Variants in CNTNAP5 observed in about 807,000 individuals in gnomAD.
CNTNAP5 encodes contactin-associated protein-like 5.
A neutral mutation model predicts 150.2 loss-of-function variants in CNTNAP5; 72 were observed. That is an observed-to-expected ratio of 0.48 (90% CI 0.40 to 0.58). The LOEUF is 0.58. Ranked by LOEUF, CNTNAP5 falls within the 20% of genes least tolerant of loss-of-function variation. The pLI is 0.00. For synonymous variants in CNTNAP5, 672 were observed against 619.8 expected (o/e 1.08, Z -1.25); for missense variants, 1,636 against 1,626.2 (o/e 1.01, Z -0.10).
intron 13 of CNTNAP5, among the ~76,000 whole-genome samples, chr2:124,658,912 T>C (rs1010743485): frequency 1.4e-4 from 22 of 152,166 alleles, no homozygotes; most frequent in African/African-American, 5.1e-4. Flanking sequence ...TACTAGACTT[T>C]CTTCACACCT....
chr2:124,850,125 G>A (rs1683125219), intron 19 of CNTNAP5, among the ~76,000 whole-genome samples: 1 of 152,106 alleles, frequency 6.6e-6, no homozygotes, highest in Non-Finnish European at 1.5e-5. Context: ...ATTTGAGATA[G>A]TTCCTAGAAC....
At chr2:124,213,940 A>C (rs930330211) in intron 1 of CNTNAP5, among the ~76,000 whole-genome samples, 4 of 152,212 alleles carry the variant, frequency 2.6e-5, no homozygotes, top group Admixed American at 1.3e-4. Flanking sequence ...ATATTCCTAC[A>C]AAATTGTCAA....
chr2:124,129,862 C>A (rs924923209), intron 1 of CNTNAP5, among the ~76,000 whole-genome samples: 2 of 152,198 alleles, frequency 1.3e-5, no homozygotes, highest in Non-Finnish European at 2.9e-5. Flanking sequence ...CTTCAGCTGA[C>A]CTGTGTTGCA....
chr2:124,097,312 T>C (rs1160208478), intron 1 of CNTNAP5, among the ~76,000 whole-genome samples: 1 of 152,184 alleles, frequency 6.6e-6, no homozygotes, highest in Non-Finnish European at 1.5e-5. Context: ...TCTAAAGCAC[T>C]GTCACACTAT....
chr2:124,282,814 G>C (rs1358771559), intron 3 of CNTNAP5, among the ~76,000 whole-genome samples: 1 of 152,102 alleles, frequency 6.6e-6, no homozygotes, highest in Non-Finnish European at 1.5e-5. Context: ...CAGAGGGTCT[G>C]AGATTCAGAC....
At chr2:124,711,950 C>A (rs1397586583) in intron 13 of CNTNAP5, among the ~76,000 whole-genome samples, 1 of 152,134 alleles carries the variant, frequency 6.6e-6, no homozygotes, top group Non-Finnish European at 1.5e-5. Flanking sequence ...TTAAGCCTGA[C>A]CCTAGACACG....
intron 1 of CNTNAP5, among the ~76,000 whole-genome samples, chr2:124,215,786 T>C (rs1038736513): frequency 2.0e-5 from 3 of 151,910 alleles, no homozygotes; most frequent in Admixed American, 6.6e-5. Context: ...CATCAATGTT[T>C]TTCTGTTGTC....
chr2:124,615,982 G>T (rs1033406296), intron 12 of CNTNAP5, among the ~76,000 whole-genome samples: 1 of 152,120 alleles, frequency 6.6e-6, no homozygotes, highest in Non-Finnish European at 1.5e-5. Context: ...GTTCTCAATG[G>T]TGGGCTTAAA....
At chr2:124,120,012 T>C (rs961146814) in intron 1 of CNTNAP5, among the ~76,000 whole-genome samples, 3 of 152,222 alleles carry the variant, frequency 2.0e-5, no homozygotes, top group African/African-American at 7.2e-5. Context: ...TTAATTGTTC[T>C]GTGGAGTGAC....
At chr2:124,311,453 G>C (rs1054698390) in intron 3 of CNTNAP5, among the ~76,000 whole-genome samples, 2 of 152,156 alleles carry the variant, frequency 1.3e-5, no homozygotes, top group Non-Finnish European at 2.9e-5. Context: ...GGAGAGAGGA[G>C]TGTGGGGAGA....
intron 1 of CNTNAP5, among the ~76,000 whole-genome samples, chr2:124,125,693 C>G (rs1231306185): frequency 6.6e-6 from 1 of 152,090 alleles, no homozygotes; most frequent in Non-Finnish European, 1.5e-5. Flanking sequence ...TGTAAAAGAA[C>G]AGAAATTATA....
chr2:124,255,566 AAATAAAATAAAATAAAAT>A lies in CNTNAP5; in HGVS notation c.381+13179_381+13196del, dbSNP rs1483551558. ...AAATAAAATAAAATAAAATAAAATA[AAATAAAATAAAATAAAAT>A]AATAATTTTTTTTTAAAAAGTAAAT... is the stretch of plus-strand genomic sequence containing the variant. On this transcript the variant is annotated intron_variant, in intron 3 of 23. Coordinates refer to ENST00000682447, the MANE Select transcript of CNTNAP5 (RefSeq NM_001367498.1). Among the ~76,000 whole-genome samples the A allele has an allele frequency of 6.4e-5, 6 of 94,422 alleles. 1 individual carries two copies. Among genetic ancestry groups the A allele is most frequent in the Non-Finnish European group, 1.2e-4 (6 of 48,344 alleles). 61.9% of individuals were successfully genotyped at this position (94,422 alleles called of 152,430 possible).
intron 1 of CNTNAP5, among the ~76,000 whole-genome samples, chr2:124,129,818 T>G (rs1683803903): frequency 6.6e-6 from 1 of 152,196 alleles, no homozygotes; most frequent in African/African-American, 2.4e-5. Context: ...TCTTGGTTTG[T>G]TATTTTCCTG....
At chr2:124,759,427 T>C (rs1458275762) in intron 14 of CNTNAP5, among the ~76,000 whole-genome samples, 1 of 147,468 alleles carries the variant, frequency 6.8e-6, no homozygotes, top group Non-Finnish European at 1.5e-5. Context: ...TATATATATA[T>C]ATATAATGGC....
rs79431206 is a variant in CNTNAP5, at chr2:124,450,332, A to G, written c.918+3395A>G. ...TATCAAAGCTAATATAATTATGCAAACCTATGTTTCTTTTTACTCTTTACC... is the reference window on the plus strand; with the variant it reads ...TATCAAAGCTAATATAATTATGCAAGCCTATGTTTCTTTTTACTCTTTACC... On this transcript the variant is annotated intron_variant, in intron 6 of 23. Transcript: ENST00000682447. Among the ~76,000 whole-genome samples the G allele has an allele frequency of 5.4e-3, 827 of 152,056 alleles. 15 individuals are homozygous for G. Among genetic ancestry groups the G allele is most frequent in the African/African-American group, 0.019 (777 of 41,436 alleles).
chr2:124,505,009 AT>A (rs563309394), intron 8 of CNTNAP5, among the ~76,000 whole-genome samples: 6 of 151,410 alleles, frequency 4.0e-5, no homozygotes, highest in African/African-American at 1.2e-4. Context: ...CCTGGCCAGC[AT>A]TTTTTTTTCT....
In CNTNAP5 at chr2:124,504,487, A is replaced by T. The variant is rs770891128; in HGVS notation, c.1258A>T (p.Ser420Cys). 2 of 1,613,726 alleles carry T rather than the reference A, an allele frequency of 1.2e-6. No homozygotes were observed. The highest frequency in any genetic ancestry group is 2.2e-5 in the South Asian group (2 of 91,070). ...LSEGSGTLLL[S>C]LEGGILRLVI... ...TGAGGGCTCGGGAACCCTGCTGCTG[A>T]GCCTGGAGGGTGGAATCCTGAGACT... Residue 420 changes from serine (S) to cysteine (C), a missense_variant, in exon 8 of 24, where the codon AGC becomes TGC. Ser to Cys is a moderately radical substitution (Grantham distance 112). Coordinates refer to ENST00000682447, the MANE Select transcript of CNTNAP5 (RefSeq NM_001367498.1).
At chr2:124,458,082 G>T (rs1433409328) in intron 6 of CNTNAP5, among the ~76,000 whole-genome samples, 2 of 138,702 alleles carry the variant, frequency 1.4e-5, no homozygotes, top group Admixed American at 7.7e-5. Flanking sequence ...CAGAGGAAAA[G>T]AAGTCATTAT....
At chr2:124,664,723 A>T (rs1338810444) in intron 13 of CNTNAP5, among the ~76,000 whole-genome samples, 1 of 152,164 alleles carries the variant, frequency 6.6e-6, no homozygotes, top group African/African-American at 2.4e-5. Context: ...TTTTGCTCTT[A>T]TCACCCAGGC....
Sources: gnomAD v4.1 joint callset for allele counts (sites outside exome capture counted in the v4.1 genomes callset) on GRCh38, gnomAD v4.1.1 for gene constraint, MANE v1.5 for transcripts, NCBI Gene and HGNC (gene_info 2026-07-23, HGNC 2026-07-21) for gene names.